HSD17B12: variants seen among roughly 807,000 people sequenced by gnomAD.
The protein encoded by HSD17B12 is hydroxysteroid 17-beta dehydrogenase 12.
A neutral mutation model predicts 39.3 loss-of-function variants in HSD17B12; 32 were observed. The observed-to-expected ratio is 0.81, with a 90% CI of 0.61 to 1.09. HSD17B12 has a LOEUF of 1.09. Ranked by LOEUF, HSD17B12 falls within the 50% of genes least tolerant of loss-of-function variation. The pLI is 0.00. For synonymous variants in HSD17B12, 150 were observed against 146.7 expected (o/e 1.02, Z -0.16); for missense variants, 342 against 382.9 (o/e 0.89, Z 0.89).
chr11:43,687,647 C>T (rs539791498), intron 1 of HSD17B12, among the ~76,000 whole-genome samples: 2 of 152,252 alleles, frequency 1.3e-5, no homozygotes, highest in South Asian at 2.1e-4. Flanking sequence ...GGCTGAGTGA[C>T]GAGCCAGGAA....
chr11:43,575,036 T>C, the HSD17B12 span, among the ~76,000 whole-genome samples: 3 of 152,210 alleles, frequency 2.0e-5, no homozygotes, highest in African/African-American at 7.2e-5. The surrounding 1 kb of genome is among the most constrained non-coding windows in gnomAD (Gnocchi z 4.1). Context: ...AACTGACGCC[T>C]TCGAGGGCGG....
chr11:43,844,653 T>C (rs1462773989), intron 9 of HSD17B12, among the ~76,000 whole-genome samples: 1 of 152,206 alleles, frequency 6.6e-6, no homozygotes, highest in Non-Finnish European at 1.5e-5. Flanking sequence ...CTGGGCTCCT[T>C]CTGTCTACCC....
At chr11:43,676,134 C>A (rs1688133797), upstream of HSD17B12, among the ~76,000 whole-genome samples, 1 of 151,506 alleles carries the variant, frequency 6.6e-6, no homozygotes, top group African/African-American at 2.4e-5. Context: ...TAACATTCAT[C>A]CCTAAGTCTT....
chr11:43,652,151 T>C, the HSD17B12 span, among the ~76,000 whole-genome samples: 1 of 152,066 alleles, frequency 6.6e-6, no homozygotes, highest in Non-Finnish European at 1.5e-5. Context: ...GATCCTAAAA[T>C]ATATATGGAA....
intron 1 of HSD17B12, among the ~76,000 whole-genome samples, chr11:43,709,026 C>G (rs1241314919): frequency 1.3e-5 from 2 of 152,156 alleles, no homozygotes; most frequent in African/African-American, 4.8e-5. Context: ...TAAGAAGCAG[C>G]AGAGAGGAGA....
intron 9 of HSD17B12, among the ~76,000 whole-genome samples, chr11:43,845,405 C>T (rs1951465830): frequency 6.6e-6 from 1 of 152,148 alleles, no homozygotes; most frequent in Admixed American, 6.5e-5. Context: ...TATTCTTTAT[C>T]CTCTCCTCTT....
chr11:43,564,217 C>T, the HSD17B12 span, among the ~76,000 whole-genome samples: 2 of 152,156 alleles, frequency 1.3e-5, no homozygotes, highest in South Asian at 4.1e-4. Context: ...ATAGGACTTA[C>T]CCTGACCACC....
At chr11:43,782,875 C>A (rs1036875182) in intron 3 of HSD17B12, among the ~76,000 whole-genome samples, 1 of 152,116 alleles carries the variant, frequency 6.6e-6, no homozygotes, top group Non-Finnish European at 1.5e-5. Context: ...TAATAAGAGA[C>A]AAAAGTTATC....
At chr11:43,774,112 G>A (rs1174311190) in intron 3 of HSD17B12, among the ~76,000 whole-genome samples, 1 of 152,270 alleles carries the variant, frequency 6.6e-6, no homozygotes, top group African/African-American at 2.4e-5. Flanking sequence ...AAAGGTGTCA[G>A]CTCTAGCTGT....
chr11:43,754,580 A>G (rs577448540), intron 3 of HSD17B12, among the ~76,000 whole-genome samples: 1 of 152,324 alleles, frequency 6.6e-6, no homozygotes, highest in African/African-American at 2.4e-5. Flanking sequence ...CATCTCAGAA[A>G]ACAAACAAAC....
the HSD17B12 span, among the ~76,000 whole-genome samples, chr11:43,590,505 G>GTTTTTTTTTTT: frequency 2.1e-5 from 1 of 47,872 alleles, no homozygotes; most frequent in Non-Finnish European, 4.5e-5. Context: ...TGGAGTGAGT[G>GTTTTTTTTTTT]ATTTTTTTTT....
Position 43,854,716 on chromosome 11 carries a change from G to T in HSD17B12, c.686G>T (p.Ser229Ile). ...CTGGGGTGGGTGTTCCCTTTCTAGAGTGTCCTGCCATACTTCGTAGCTACA... is the reference window on the plus strand; with the variant it reads ...CTGGGGTGGGTGTTCCCTTTCTAGATTGTCCTGCCATACTTCGTAGCTACA... Reference protein sequence around the residue: ...EYRSKGVFVQSVLPYFVATKL... With the variant: ...EYRSKGVFVQIVLPYFVATKL... Residue 229 changes from serine to isoleucine, a missense_variant and splice_region_variant, in exon 10 of 11, where the codon AGT becomes ATT. Coordinates refer to ENST00000278353, the MANE Select transcript of HSD17B12 (RefSeq NM_016142.3). 1 of 1,613,430 alleles carries T rather than the reference G, an allele frequency of 6.2e-7. No homozygotes were observed. Among genetic ancestry groups the T allele is most frequent in the Non-Finnish European group, 8.5e-7 (1 of 1,180,012 alleles).
chr11:43,584,000 C>T, the HSD17B12 span, among the ~76,000 whole-genome samples: 1 of 152,264 alleles, frequency 6.6e-6, no homozygotes, highest in Admixed American at 6.5e-5. Flanking sequence ...GTTTCAGGGG[C>T]CACAGAGTCC....
chr11:43,587,198 A>G, the HSD17B12 span, among the ~76,000 whole-genome samples: 5 of 152,246 alleles, frequency 3.3e-5, no homozygotes, highest in Admixed American at 3.3e-4. Flanking sequence ...CGTTCAACAA[A>G]TGTTTATTGA....
the HSD17B12 span, among the ~76,000 whole-genome samples, chr11:43,610,939 C>T: frequency 6.6e-6 from 1 of 152,186 alleles, no homozygotes. Flanking sequence ...TTTGGCACTC[C>T]AGAGACTGCC....
intron 3 of HSD17B12, among the ~76,000 whole-genome samples, chr11:43,784,368 G>A (rs1322452875): frequency 6.8e-6 from 1 of 146,906 alleles, no homozygotes; most frequent in Non-Finnish European, 1.5e-5. Flanking sequence ...GGGCCAGATG[G>A]TGACACCAGG....
chr11:43,613,153 C>T, the HSD17B12 span, among the ~76,000 whole-genome samples: 4,553 of 152,176 alleles, frequency 0.03, 243 homozygotes, highest in African/African-American at 0.1. Context: ...CCTGTAATCC[C>T]AACACTTTGG....
chr11:43,677,286 T>A (rs987839274), upstream of HSD17B12, among the ~76,000 whole-genome samples: 1 of 152,148 alleles, frequency 6.6e-6, no homozygotes, highest in Non-Finnish European at 1.5e-5. Flanking sequence ...CCTTAAGTTC[T>A]TGCTTTACAA....
chr11:43,689,904 C>T (rs955991205), intron 1 of HSD17B12, among the ~76,000 whole-genome samples: 2 of 152,172 alleles, frequency 1.3e-5, no homozygotes, highest in East Asian at 3.9e-4. Context: ...GACCTCATCT[C>T]CACTACTCTT....
Sources: allele counts gnomAD v4.1 joint callset (sites outside exome capture counted in the v4.1 genomes callset), GRCh38; gene constraint gnomAD v4.1.1; non-coding constraint Gnocchi (gnomAD v3.1); transcripts MANE v1.5; gene names NCBI Gene and HGNC (gene_info 2026-07-23, HGNC 2026-07-21).